ACOT8: variants seen among roughly 807,000 people sequenced by gnomAD.
ACOT8 encodes acyl-CoA thioesterase 8, also known as acyl-coenzyme A thioesterase 8.
Under a neutral mutation model 38.4 loss-of-function variants are expected in ACOT8, and 31 were observed. The ratio of observed to expected loss-of-function variants is 0.81; its 90% CI spans 0.61 to 1.09. The LOEUF is 1.09. Ranked by LOEUF, ACOT8 falls within the 50% of genes least tolerant of loss-of-function variation. The probability of loss-of-function intolerance (pLI) is 0.00; values close to 1 mark genes in which losing one functional copy is unlikely to be tolerated. For synonymous variants in ACOT8, 158 were observed against 170.3 expected (o/e 0.93, Z 0.56); for missense variants, 373 against 421.8 (o/e 0.88, Z 1.01).
intron 2 of ACOT8, among the ~76,000 whole-genome samples, chr20:45,851,686 A>T (rs1985073768): frequency 6.6e-6 from 1 of 152,208 alleles, no homozygotes; most frequent in Non-Finnish European, 1.5e-5. Context: ...TTGCCTTAAA[A>T]TACAATTTTT....
chr20:45,844,330 G>T lies in ACOT8; in HGVS notation c.579C>A (p.Ser193=), dbSNP rs1984513101. 18 of 1,614,166 alleles carry T rather than the reference G, an allele frequency of 1.1e-5. No homozygotes were observed. Among genetic ancestry groups the T allele is most frequent in the Non-Finnish European group, 1.5e-5 (18 of 1,180,026 alleles). ...CCATTCTCTGCAGCTGGCTCAGGGGGGATGGGTTTACTGGCTTGATCTCAA... is the reference window on the plus strand; with the variant it reads ...CCATTCTCTGCAGCTGGCTCAGGGGTGATGGGTTTACTGGCTTGATCTCAA... The part of the protein sequence containing the change: ...VPIEIKPVNP[S]PLSQLQRMEP... Residue 193 remains serine, a synonymous_variant, in exon 4 of 6, where the codon TCC becomes TCA. Transcript: ENST00000217455.
Position 45,844,368 on chromosome 20 carries a change from G to A in ACOT8, c.541C>T (p.Gln181Ter). 1 of 1,614,178 alleles carries A rather than the reference G, an allele frequency of 6.2e-7. No individual in the cohort carries two copies. The highest frequency in any genetic ancestry group is 8.5e-7 in the Non-Finnish European group (1 of 1,180,014). Residue 181 changes from glutamine to a stop codon, truncating the protein, a stop_gained, in exon 4 of 6, where the codon CAG (glutamine) becomes TAG (stop). Transcript: ENST00000217455. LOFTEE classifies it high-confidence loss of function. The part of the protein sequence containing the change: ...YPLALNRIAA[Q>*]EVPIEIKPVN... The stretch of plus-strand genomic sequence containing the variant: ...GGCTTGATCTCAATGGGGACCTCCT[G>A]AGCAGCAATTCGGTTGAGCGCCAAT...
Position 45,841,934 on chromosome 20 carries a change from A to G in ACOT8, c.864T>C (p.His288=). 1 of 1,613,250 alleles carries G rather than the reference A, an allele frequency of 6.2e-7. No homozygotes were observed. The highest frequency in any genetic ancestry group is 1.1e-5 in the South Asian group (1 of 91,020). Residue 288 remains histidine, a synonymous_variant, in exon 6 of 6, where the codon CAT becomes CAC. Transcript: ENST00000217455. The part of the protein sequence containing the change: ...PWAGGSRGLV[H]GRLWRQDGVL... ...CTCCATCCTGACGCCACAGCCGCCCATGGACCAGCCCCCGAGAGCCACCTG... is the reference window on the plus strand; with the variant it reads ...CTCCATCCTGACGCCACAGCCGCCCGTGGACCAGCCCCCGAGAGCCACCTG...
chr20:45,846,639 C>T (rs1424167677), intron 3 of ACOT8, among the ~76,000 whole-genome samples: 1 of 152,140 alleles, frequency 6.6e-6, no homozygotes, highest in African/African-American at 2.4e-5. Flanking sequence ...TGAGCATTCC[C>T]ATTTTTTAGA....
intron 3 of ACOT8, 147 bp downstream of exon 3, chr20:45,848,303 A>G (rs1055393910): frequency 1.2e-5 from 9 of 745,312 alleles, no homozygotes; most frequent in African/African-American, 1.7e-5. Flanking sequence ...CTTGCCCTTA[A>G]TACATACATA....
chr20:45,857,097 C>G (rs1407405680), intron 1 of ACOT8, 91 bp downstream of exon 1: 1 of 1,477,008 alleles, frequency 6.8e-7, no homozygotes, highest in Admixed American at 1.9e-5. Context: ...CAGAGCCATA[C>G]TAGTCCCGGA....
At chr20:45,854,461 T>C (rs1257381506) in intron 2 of ACOT8, among the ~76,000 whole-genome samples, 1 of 152,138 alleles carries the variant, frequency 6.6e-6, no homozygotes, top group Non-Finnish European at 1.5e-5. Context: ...CCGCCCGCCT[T>C]GGCCTCCAAA....
chr20:45,849,297 T>C (rs1300958325), intron 2 of ACOT8, among the ~76,000 whole-genome samples: 13 of 152,146 alleles, frequency 8.5e-5, no homozygotes, highest in Admixed American at 7.9e-4. Context: ...TTTTTTTTGT[T>C]TGTTTGAGAT....
chr20:45,845,333 C>A (rs531384833), intron 3 of ACOT8, among the ~76,000 whole-genome samples: 6 of 152,124 alleles, frequency 3.9e-5, no homozygotes, highest in African/African-American at 1.4e-4. Context: ...ATGATCCGCC[C>A]GCCTCAGCCT....
Position 45,855,177 on chromosome 20 carries a change from A to G in ACOT8, c.244T>C (p.Cys82Arg). ...SEDVHVHSLH[C>R]YFVRAGDPKL... ...GGTTTACCTGCCCGAACAAAGTAGC[A>G]GTGCAGGGAGTGCACGTGGACGTCT... The change falls in exon 2 of 6, where the codon TGC becomes CGC. Residue 82 changes from cysteine to arginine, a missense_variant. By Grantham distance (180) the Cys-to-Arg change is radical. Transcript: ENST00000217455. 1 of 1,614,060 alleles carries G rather than the reference A, an allele frequency of 6.2e-7. No individual in the cohort carries two copies. The highest frequency in any genetic ancestry group is 2.2e-5 in the East Asian group (1 of 44,884).
chr20:45,846,507 CA>C (rs1324801537), intron 3 of ACOT8, among the ~76,000 whole-genome samples: 1 of 152,138 alleles, frequency 6.6e-6, no homozygotes, highest in Non-Finnish European at 1.5e-5. Context: ...GAATTGAATC[CA>C]GGCCTTTCAG....
chr20:45,857,290 T>A lies in ACOT8; in HGVS notation c.26A>T (p.Asp9Val). 6.2e-7 allele frequency: 1 copy of A among 1,610,514 alleles called. No homozygotes were observed. Among genetic ancestry groups the A allele is most frequent in the Non-Finnish European group, 8.5e-7 (1 of 1,178,786 alleles). MSSPQAPE[D>V]GQGCGDRGDP... The stretch of plus-strand genomic sequence containing the variant: ...GCCGCGGTCGCCACAGCCCTGCCCA[T>A]CTTCTGGGGCCTGCGGGGACGACAT... Residue 9 changes from aspartate to valine, a missense_variant, in exon 1 of 6, where the codon GAT becomes GTT. Asp to Val is a radical substitution (Grantham distance 152). Coordinates refer to ENST00000217455, the MANE Select transcript of ACOT8 (RefSeq NM_005469.4).
At chr20:45,842,074 C>T in intron 5 of ACOT8, 118 bp from the exon 6 acceptor site, 1 of 1,540,448 alleles carries the variant, frequency 6.5e-7, no homozygotes, top group Non-Finnish European at 8.7e-7. Flanking sequence ...CGCCTGGGTT[C>T]AAGGGATCCT....
intron 3 of ACOT8, among the ~76,000 whole-genome samples, chr20:45,844,996 A>C (rs561655276): frequency 6.6e-5 from 10 of 152,156 alleles, no homozygotes; most frequent in Non-Finnish European, 1.5e-4. Context: ...AGCTCACTGC[A>C]GTCTCCAACT....
intron 3 of ACOT8, chr20:45,847,747 G>A (rs575708814): frequency 3.6e-4 from 54 of 149,758 alleles, no homozygotes; most frequent in African/African-American, 1.2e-3. Context: ...AAACAAACAT[G>A]TATATATATA....
At position 45,848,492 on chromosome 20, in the gene ACOT8, T is replaced by C. The variant is rs770062040; in HGVS notation, c.446A>G (p.Glu149Gly). 8.7e-6 allele frequency: 14 copies of C among 1,612,354 alleles called. No individual in the cohort carries two copies. The highest frequency in any genetic ancestry group is 7.6e-6 in the Non-Finnish European group (9 of 1,178,872). Residue 149 changes from glutamate (E) to glycine (G), a missense_variant, in exon 3 of 6, where the codon GAA (glutamate) becomes GGA (glycine). By Grantham distance (98) the Glu-to-Gly change is moderately conservative. Transcript: ENST00000217455. ...QFSMPTVPPP[E>G]ELLDCETLID... ...GAGGGTCTCACAGTCAAGCAGCTCT[T>C]CTGGTGGTGGCACAGTGGGCATGGA... is the stretch of plus-strand genomic sequence containing the variant.
rs11468705 is a variant in ACOT8 at position 45,842,207 on chromosome 20, TGTCGTG to T, written c.842-257_842-252del. ...CTGCCCCACACAAGGGTGCACTGAG[TGTCGTG>T]GCTGCTCCAAATGCCCCTTCATGAG... On this transcript the variant is annotated intron_variant, in intron 5 of 5. Coordinates refer to ENST00000217455, the MANE Select transcript of ACOT8 (RefSeq NM_005469.4). The T allele has an allele frequency of 5.4e-3, 7,923 of 1,458,608 alleles. 341 individuals carry two copies. In the African/African-American group the frequency reaches 0.097, roughly 18 times the overall value. The allele number at this position is 1,458,608 out of a possible 1,614,324, so 90.4% of individuals were successfully genotyped here.
At chr20:45,846,915 A>C (rs559426170) in intron 3 of ACOT8, among the ~76,000 whole-genome samples, 2 of 152,226 alleles carry the variant, frequency 1.3e-5, no homozygotes, top group Non-Finnish European at 2.9e-5. Flanking sequence ...TTTTATATAC[A>C]TAAAACATGT....
At chr20:45,842,828 A>G in intron 5 of ACOT8, 1 of 992,598 alleles carries the variant, frequency 1.0e-6, no homozygotes, top group Non-Finnish European at 1.2e-6. Context: ...GGTACTTGAG[A>G]ATACCCCTTA....
Sources: allele counts gnomAD v4.1 joint callset (sites outside exome capture counted in the v4.1 genomes callset), GRCh38; gene constraint gnomAD v4.1.1; transcripts MANE v1.5; gene names NCBI Gene and HGNC (gene_info 2026-07-23, HGNC 2026-07-21).